The following NAALADL2 variants were observed in gnomAD, a reference collection of about 807,000 sequenced individuals.
NAALADL2 encodes N-acetylated alpha-linked acidic dipeptidase like 2, also known as inactive N-acetylated-alpha-linked acidic dipeptidase-like protein 2.
A neutral mutation model predicts 87.2 loss-of-function variants in NAALADL2; 76 were observed. The ratio of observed to expected loss-of-function variants is 0.87; its 90% confidence interval spans 0.72 to 1.05. The LOEUF is 1.05. NAALADL2 is among the 50% of genes least tolerant of loss of function. The pLI, the probability that NAALADL2 is intolerant of heterozygous loss-of-function variation, is 0.00. For missense variants in NAALADL2, 1,089 were observed against 945.8 expected, an observed-to-expected ratio of 1.15 and a Z score of -1.99; for synonymous variants, 354 against 331.0, an observed-to-expected ratio of 1.07 and a Z score of -0.75.
intron 10 of NAALADL2, among the ~76,000 whole-genome samples, chr3:175,601,242 CTAAT>C (rs1722939526): frequency 6.6e-6 from 1 of 151,986 alleles, no homozygotes; most frequent in African/African-American, 2.4e-5. Flanking sequence ...ATGTTTTAAA[CTAAT>C]TAAAATGGAA....
intron 9 of NAALADL2, among the ~76,000 whole-genome samples, chr3:175,520,355 G>A (rs1292778478): frequency 2.4e-4 from 35 of 148,774 alleles, no homozygotes; most frequent in African/African-American, 6.5e-4. Flanking sequence ...GCGGACTGCA[G>A]TGGTGCAATC....
At chr3:175,606,760 G>A (rs565722255) in intron 10 of NAALADL2, among the ~76,000 whole-genome samples, 1 of 152,094 alleles carries the variant, frequency 6.6e-6, no homozygotes, top group Admixed American at 6.6e-5. Flanking sequence ...GCATACTTCT[G>A]TTCCTTGGTC....
At chr3:175,454,288 A>G (rs1214731965) in intron 6 of NAALADL2, among the ~76,000 whole-genome samples, 1 of 151,922 alleles carries the variant, frequency 6.6e-6, no homozygotes, top group Non-Finnish European at 1.5e-5. Flanking sequence ...TTTGCCATTA[A>G]ATTTTTCTCT....
chr3:175,672,582 A>G (rs1206620190), intron 11 of NAALADL2, among the ~76,000 whole-genome samples: 3 of 152,206 alleles, frequency 2.0e-5, no homozygotes, highest in East Asian at 1.9e-4. Context: ...TAAACTTCAA[A>G]AAACTGAGCT....
intron 9 of NAALADL2, among the ~76,000 whole-genome samples, chr3:175,499,979 T>G (rs985399823): frequency 1.3e-5 from 2 of 152,092 alleles, no homozygotes; most frequent in African/African-American, 4.8e-5. Context: ...ATAGTCCAAG[T>G]AGAGCGTCAA....
intron 1 of NAALADL2, among the ~76,000 whole-genome samples, chr3:174,957,379 G>C (rs1386922973): frequency 2.0e-5 from 3 of 152,004 alleles, no homozygotes; most frequent in African/African-American, 7.2e-5. Flanking sequence ...GGCCAGGCCT[G>C]AACTACAGAA....
intron 9 of NAALADL2, among the ~76,000 whole-genome samples, chr3:175,506,351 A>C (rs2149382293): frequency 6.6e-6 from 1 of 152,294 alleles, no homozygotes; most frequent in South Asian, 2.1e-4. Context: ...TCATCTTATA[A>C]CGGATGAAAA....
In NAALADL2 at chr3:175,013,099, TATA is replaced by T. The variant is rs1750156762; in HGVS notation, c.44-83690_44-83688del. On this transcript the variant is annotated intron_variant, in intron 1 of 13. Coordinates refer to ENST00000454872, the MANE Select transcript of NAALADL2 (RefSeq NM_207015.3). Reference sequence around the variant, plus strand: ...TATGTAATACATATTTATATATAAATATACATATTTATATATAAATATACATAT... The same window carrying T: ...TATGTAATACATATTTATATATAAATCATATTTATATATAAATATACATAT... Among the ~76,000 whole-genome samples the T allele has an allele frequency of 1.4e-4, 3 of 21,504 alleles. No individual in the cohort carries two copies. The Admixed American group carries it at 2.6e-3, about 18-fold the overall frequency. The allele number at this position is 21,504 out of a possible 152,430, so 14.1% of individuals were successfully genotyped here.
intron 5 of NAALADL2, among the ~76,000 whole-genome samples, chr3:175,445,726 A>G (rs1560564262): frequency 6.6e-6 from 1 of 152,134 alleles, no homozygotes; most frequent in Non-Finnish European, 1.5e-5. Flanking sequence ...TTCTTCTTGC[A>G]CAACTTTTGG....
intron 2 of NAALADL2, among the ~76,000 whole-genome samples, chr3:174,699,494 C>CAA (rs5854590): frequency 1.2e-4 from 15 of 121,166 alleles, no homozygotes; most frequent in South Asian, 1.0e-3. Flanking sequence ...AACTCCATCT[C>CAA]AAAAAAAAAA....
intron 10 of NAALADL2, among the ~76,000 whole-genome samples, chr3:175,576,439 G>A (rs916823749): frequency 2.0e-5 from 3 of 152,172 alleles, no homozygotes; most frequent in Non-Finnish European, 2.9e-5. Flanking sequence ...GCTCTGCAAT[G>A]AGAAATTTGC....
chr3:175,000,065 C>A (rs1036270379), intron 1 of NAALADL2, among the ~76,000 whole-genome samples: 1 of 152,152 alleles, frequency 6.6e-6, no homozygotes, highest in African/African-American at 2.4e-5. Context: ...GTTCACTGAT[C>A]TGCCTTAAAT....
At chr3:175,711,059 G>A (rs1351579917) in intron 11 of NAALADL2, among the ~76,000 whole-genome samples, 1 of 151,834 alleles carries the variant, frequency 6.6e-6, no homozygotes, top group African/African-American at 2.4e-5. Flanking sequence ...TGGTGTAGCT[G>A]TTAATGAATT....
intron 1 of NAALADL2, among the ~76,000 whole-genome samples, chr3:175,093,860 G>A (rs572418288): frequency 1.3e-5 from 2 of 152,028 alleles, no homozygotes; most frequent in Non-Finnish European, 2.9e-5. Flanking sequence ...GTTAATATGT[G>A]TATCTGCATT....
intron 2 of NAALADL2, among the ~76,000 whole-genome samples, chr3:175,132,243 G>T (rs1480338316): frequency 6.1e-5 from 2 of 32,842 alleles, no homozygotes; most frequent in Non-Finnish European, 5.3e-5. Context: ...CCCGGACGGG[G>T]CGGCTGGCCG....
At chr3:175,463,579 A>AT in intron 7 of NAALADL2, 86 bp downstream of exon 7, 1 of 708,606 alleles carries the variant, frequency 1.4e-6, no homozygotes, top group Non-Finnish European at 2.2e-6. Context: ...TTATACTTAA[A>AT]TATCCTACTT....
At chr3:174,968,298 C>G (rs1743145290) in intron 1 of NAALADL2, among the ~76,000 whole-genome samples, 1 of 152,108 alleles carries the variant, frequency 6.6e-6, no homozygotes, top group Admixed American at 6.5e-5. Context: ...CAGAAGCCCT[C>G]CCATGAACTT....
intron 2 of NAALADL2, among the ~76,000 whole-genome samples, chr3:174,621,477 C>A (rs1720986013): frequency 1.3e-5 from 2 of 152,060 alleles, no homozygotes; most frequent in Admixed American, 6.5e-5. Context: ...AATATGAAAG[C>A]TCCATTAGGG....
chr3:174,995,769 G>A (rs1747356370), intron 1 of NAALADL2, among the ~76,000 whole-genome samples: 1 of 149,582 alleles, frequency 6.7e-6, no homozygotes, highest in African/African-American at 2.5e-5. Flanking sequence ...CCTTTGAATT[G>A]CTTTTACGCT....
Sources: gnomAD v4.1 joint callset for allele counts (sites outside exome capture counted in the v4.1 genomes callset) on GRCh38, gnomAD v4.1.1 for gene constraint, MANE v1.5 for transcripts, NCBI Gene and HGNC (gene_info 2026-07-23, HGNC 2026-07-21) for gene names.